Variants in EPHA3 observed in about 807,000 individuals in gnomAD.
The protein encoded by EPHA3 is ephrin type-A receptor 3.
EPHA3 carries 42 observed loss-of-function variants against 107.1 expected under a neutral mutation model. The ratio of observed to expected loss-of-function variants is 0.39; its 90% confidence interval spans 0.31 to 0.51. The LOEUF (loss-of-function observed/expected upper bound fraction) is 0.51. Ranked by LOEUF, EPHA3 falls within the 20% of genes least tolerant of loss-of-function variation. EPHA3 has a pLI of 0.78. For synonymous variants in EPHA3, 461 were observed against 424.8 expected (o/e 1.09, Z -1.05); for missense variants, 1,183 against 1,211.2 (o/e 0.98, Z 0.35).
chr3:89,139,698 TTAGA>T (rs1373411208), intron 2 of EPHA3, among the ~76,000 whole-genome samples: 6 of 151,640 alleles, frequency 4.0e-5, no homozygotes, highest in Non-Finnish European at 8.8e-5. Context: ...AATACTCTAA[TTAGA>T]TAGACAAGCA....
chr3:89,223,517 C>A (rs1015880032), intron 3 of EPHA3, among the ~76,000 whole-genome samples: 1 of 152,172 alleles, frequency 6.6e-6, no homozygotes, highest in African/African-American at 2.4e-5. Flanking sequence ...GTCATGATTG[C>A]AGAGGAATCG....
chr3:89,396,199 T>C (rs1202945543), intron 6 of EPHA3, among the ~76,000 whole-genome samples: 1 of 152,216 alleles, frequency 6.6e-6, no homozygotes, highest in Non-Finnish European at 1.5e-5. Context: ...CTTAATCCAG[T>C]TACTTATGGC....
chr3:89,143,070 T>C (rs891350603), intron 2 of EPHA3, among the ~76,000 whole-genome samples: 7 of 151,006 alleles, frequency 4.6e-5, no homozygotes, highest in Non-Finnish European at 5.9e-5. Flanking sequence ...AATGAAAAAA[T>C]GAAAAGGTTA....
At chr3:89,138,264 T>C (rs1704357471) in intron 2 of EPHA3, among the ~76,000 whole-genome samples, 1 of 151,932 alleles carries the variant, frequency 6.6e-6, no homozygotes, top group Non-Finnish European at 1.5e-5. Flanking sequence ...AAATTTGTCA[T>C]AGGAATTTAT....
intron 3 of EPHA3, among the ~76,000 whole-genome samples, chr3:89,280,025 C>CTGTGTG (rs59488710): frequency 2.2e-4 from 32 of 144,766 alleles, no homozygotes; most frequent in African/African-American, 3.5e-4. Flanking sequence ...TTGTGTGCAC[C>CTGTGTG]TGTGTGTGTG....
chr3:89,276,937 T>C (rs556722168), intron 3 of EPHA3, among the ~76,000 whole-genome samples: 10 of 152,248 alleles, frequency 6.6e-5, no homozygotes, highest in South Asian at 2.1e-4. Flanking sequence ...TTAACAGTTT[T>C]CAATGAGTAT....
intron 15 of EPHA3, among the ~76,000 whole-genome samples, chr3:89,460,206 C>T (rs1163631128): frequency 6.6e-6 from 1 of 152,006 alleles, no homozygotes; most frequent in Non-Finnish European, 1.5e-5. Flanking sequence ...GAAATAATTT[C>T]TTCTTAAGTT....
intron 13 of EPHA3, among the ~76,000 whole-genome samples, chr3:89,440,871 C>T (rs1709769211): frequency 6.6e-6 from 1 of 152,178 alleles, no homozygotes; most frequent in Non-Finnish European, 1.5e-5. Flanking sequence ...TGTGGATATG[C>T]AATTTATTCC....
Position 89,419,444 on chromosome 3 carries a change from T to C in EPHA3, c.2074+54T>C, listed in dbSNP as rs1254135026. ...TTCCGTATGTTGAGCAAAGGTTGTT[T>C]AAACCCAACCCCAACCATTTAAGAA... On this transcript the variant is annotated intron_variant, in intron 11 of 16. Transcript: ENST00000336596. 3.4e-6 allele frequency: 5 copies of C among 1,456,246 alleles called. No homozygotes were observed. The African/African-American group carries it at 4.3e-5, about 13-fold the overall frequency. 90.2% of individuals were successfully genotyped at this position (1,456,246 alleles called of 1,614,324 possible). A position where few individuals can be genotyped will look rare whatever the true frequency, so the allele number is the denominator to read the frequency against.
chr3:89,421,463 A>G (rs1433653538), intron 11 of EPHA3, among the ~76,000 whole-genome samples: 1 of 151,192 alleles, frequency 6.6e-6, no homozygotes, highest in Non-Finnish European at 1.5e-5. Flanking sequence ...TTAAATAACT[A>G]CTTCTATCAC....
intron 12 of EPHA3, 83 bp downstream of exon 12, chr3:89,429,250 T>A: frequency 9.8e-7 from 1 of 1,023,854 alleles, no homozygotes; most frequent in Non-Finnish European, 1.4e-6. Context: ...TGCCAAGCAA[T>A]TCAGTAATCT....
At chr3:89,297,235 C>A (rs1706374890) in intron 3 of EPHA3, among the ~76,000 whole-genome samples, 1 of 152,128 alleles carries the variant, frequency 6.6e-6, no homozygotes, top group Non-Finnish European at 1.5e-5. Flanking sequence ...AGAGGCCTAT[C>A]TTTTAGCTTC....
intron 2 of EPHA3, among the ~76,000 whole-genome samples, chr3:89,147,126 G>C (rs577648745): frequency 6.6e-6 from 1 of 151,844 alleles, no homozygotes; most frequent in South Asian, 2.1e-4. Context: ...ATAAGTGGGA[G>C]CTGAATAATG....
chr3:89,210,693 C>T (rs1188649564), intron 3 of EPHA3, among the ~76,000 whole-genome samples, 173 bp downstream of exon 3: 3 of 152,094 alleles, frequency 2.0e-5, no homozygotes, highest in Non-Finnish European at 2.9e-5. Flanking sequence ...GTAATTCATG[C>T]TTTGCTGTAG....
At chr3:89,415,432 A>G (rs1709227011) in intron 10 of EPHA3, among the ~76,000 whole-genome samples, 1 of 146,458 alleles carries the variant, frequency 6.8e-6, no homozygotes, top group African/African-American at 2.5e-5. Flanking sequence ...TCAGCCAACT[A>G]CATAACTTTC....
At chr3:89,429,694 TC>T (rs1163477298) in intron 12 of EPHA3, among the ~76,000 whole-genome samples, 31 of 138,892 alleles carry the variant, frequency 2.2e-4, no homozygotes, top group Middle Eastern at 3.8e-3. Flanking sequence ...CGTTTATCTA[TC>T]ATCTATCTAT....
intron 8 of EPHA3, 139 bp from the exon 9 acceptor site, chr3:89,407,928 A>G: frequency 1.2e-6 from 1 of 852,314 alleles, no homozygotes; most frequent in Non-Finnish European, 1.8e-6. Flanking sequence ...TTTTGAAAAT[A>G]TGAAGTTATT....
chr3:89,310,038 T>C (rs1241983637), intron 3 of EPHA3, among the ~76,000 whole-genome samples: 1 of 152,052 alleles, frequency 6.6e-6, no homozygotes, highest in Non-Finnish European at 1.5e-5. Flanking sequence ...GATGGAAAAC[T>C]CACAGGGTGA....
chr3:89,384,862 T>C lies in EPHA3; in HGVS notation c.1307-10975T>C, dbSNP rs556092693. On this transcript the variant is annotated intron_variant, in intron 5 of 16. Coordinates refer to ENST00000336596, the MANE Select transcript of EPHA3 (RefSeq NM_005233.6). Reference sequence around the variant, plus strand: ...ATCACCTTGTATAACAATGTATGGATGTCCCAGGATAGGGATCACTAGATG... The same window carrying C: ...ATCACCTTGTATAACAATGTATGGACGTCCCAGGATAGGGATCACTAGATG... 2.0e-5 allele frequency among the ~76,000 whole-genome samples: 3 copies of C among 152,312 alleles called. No homozygotes were observed. The South Asian group carries it at 6.2e-4, about 32-fold the overall frequency.
Sources: allele counts gnomAD v4.1 joint callset (sites outside exome capture counted in the v4.1 genomes callset), GRCh38; gene constraint gnomAD v4.1.1; transcripts MANE v1.5; gene names NCBI Gene and HGNC (gene_info 2026-07-23, HGNC 2026-07-21).